The following CNTNAP2 variants were observed in gnomAD, a reference collection of about 807,000 sequenced individuals.
CNTNAP2 encodes contactin-associated protein-like 2.
CNTNAP2 carries 98 observed loss-of-function variants against 155.2 expected under a neutral mutation model. The ratio of observed to expected loss-of-function variants is 0.63; its 90% CI spans 0.54 to 0.75. The LOEUF (loss-of-function observed/expected upper bound fraction) is 0.75, where lower values mean the gene tolerates loss of function less well. Among genes scored for constraint, CNTNAP2 ranks in the 30% least tolerant of loss-of-function variants. The pLI is 0.00. For synonymous variants in CNTNAP2, 651 were observed against 631.2 expected, an observed-to-expected ratio of 1.03 and a Z score of -0.47; for missense variants, 1,727 against 1,688.1, an observed-to-expected ratio of 1.02 and a Z score of -0.40.
chr7:147,428,519 T>A (rs940711400), intron 10 of CNTNAP2, among the ~76,000 whole-genome samples: 3 of 152,184 alleles, frequency 2.0e-5, no homozygotes, highest in Non-Finnish European at 2.9e-5. Context: ...TACCCTAGAA[T>A]GGAGGATTCA....
At chr7:146,163,004 T>C (rs965328136) in intron 1 of CNTNAP2, among the ~76,000 whole-genome samples, 2 of 151,998 alleles carry the variant, frequency 1.3e-5, no homozygotes, top group Non-Finnish European at 2.9e-5. Context: ...CTGGGGTCTG[T>C]TGGGGGTTTG....
intron 13 of CNTNAP2, among the ~76,000 whole-genome samples, chr7:147,803,051 G>A (rs1798033479): frequency 6.6e-6 from 1 of 152,140 alleles, no homozygotes; most frequent in Non-Finnish European, 1.5e-5. Context: ...ATTTACGATT[G>A]TGAAAATTAG....
At chr7:148,322,210 A>G (rs1368935421) in intron 21 of CNTNAP2, among the ~76,000 whole-genome samples, 1 of 152,218 alleles carries the variant, frequency 6.6e-6, no homozygotes, top group African/African-American at 2.4e-5. Flanking sequence ...GGCGTGAGCC[A>G]CCGCACCCAG....
chr7:148,408,197 A>G (rs1799747950), intron 22 of CNTNAP2, among the ~76,000 whole-genome samples: 1 of 152,160 alleles, frequency 6.6e-6, no homozygotes, highest in African/African-American at 2.4e-5. Context: ...GCAAGCCAAG[A>G]TCACACCACT....
chr7:147,223,275 A>G lies in CNTNAP2; in HGVS notation c.1349-76866A>G, dbSNP rs188169472. 1.2e-4 allele frequency among the ~76,000 whole-genome samples: 18 copies of G among 152,314 alleles called. No homozygotes were observed. In the East Asian group the frequency reaches 3.5e-3, roughly 30 times the overall value. ...GGGAGGACTCTAAACATTTCCACCC[A>G]CTGCACTTTGGGTGCACAAATCTAT... On this transcript the variant is annotated intron_variant, in intron 8 of 23. Coordinates refer to ENST00000361727, the MANE Select transcript of CNTNAP2 (RefSeq NM_014141.6).
intron 8 of CNTNAP2, among the ~76,000 whole-genome samples, chr7:147,164,767 CCA>C (rs1802086515): frequency 6.6e-6 from 1 of 152,144 alleles, no homozygotes; most frequent in Non-Finnish European, 1.5e-5. Flanking sequence ...TGAGGGGCGA[CCA>C]CATCAACTGG....
At chr7:146,206,393 A>G (rs529608558) in intron 1 of CNTNAP2, among the ~76,000 whole-genome samples, 1 of 152,024 alleles carries the variant, frequency 6.6e-6, no homozygotes, top group African/African-American at 2.4e-5. Context: ...TCTTTCATTC[A>G]TGAGTCATAG....
chr7:147,414,580 AAGTC>A (rs1408468627), intron 10 of CNTNAP2, among the ~76,000 whole-genome samples: 3 of 152,142 alleles, frequency 2.0e-5, no homozygotes, highest in Admixed American at 6.5e-5. Flanking sequence ...AAGGAACTGT[AAGTC>A]AGAGTTCTTA....
intron 13 of CNTNAP2, among the ~76,000 whole-genome samples, chr7:147,822,408 T>A (rs2058507): frequency 0.062 from 9,479 of 152,234 alleles, 515 homozygotes; most frequent in East Asian, 0.17. Flanking sequence ...CTCACTTTTT[T>A]AGTGACAAAA....
chr7:147,807,788 A>G (rs1462016478), intron 13 of CNTNAP2, among the ~76,000 whole-genome samples: 1 of 152,140 alleles, frequency 6.6e-6, no homozygotes, highest in Non-Finnish European at 1.5e-5. Flanking sequence ...AATATGCCCT[A>G]GTTGGTGATG....
intron 9 of CNTNAP2, among the ~76,000 whole-genome samples, chr7:147,321,334 T>A (rs1056025954): frequency 1.3e-5 from 2 of 152,200 alleles, no homozygotes; most frequent in Non-Finnish European, 2.9e-5. Context: ...ATGAAAGACA[T>A]CCTGGGGCCA....
Position 147,894,965 on chromosome 7 carries a change from C to CTTT in CNTNAP2, c.2099-8579_2099-8577dup, listed in dbSNP as rs1175962918. Among the ~76,000 whole-genome samples the CTTT allele has an allele frequency of 3.8e-3, 138 of 36,146 alleles. 3 individuals are homozygous for CTTT. Among genetic ancestry groups the CTTT allele is most frequent in the African/African-American group, 0.015 (104 of 6,866 alleles). The allele number at this position is 36,146 out of a possible 152,430, so 23.7% of individuals were successfully genotyped here. ...TCTTTCTTTCTTTCTTTCTTTCTTT[C>CTTT]TTTTTTTTTTTTTTTTTTTTTTTGA... On this transcript the variant is annotated intron_variant, in intron 13 of 23. Coordinates refer to ENST00000361727, the MANE Select transcript of CNTNAP2 (RefSeq NM_014141.6).
intron 14 of CNTNAP2, among the ~76,000 whole-genome samples, chr7:147,908,260 A>C (rs1800002249): frequency 6.6e-6 from 1 of 152,198 alleles, no homozygotes; most frequent in Non-Finnish European, 1.5e-5. Context: ...TCATCATCAG[A>C]AGAGCAAGTA....
Position 148,185,745 on chromosome 7 carries a change from G to C in CNTNAP2, c.3010+13267G>C, listed in dbSNP as rs185311019. On this transcript the variant is annotated intron_variant, in intron 18 of 23. Coordinates refer to ENST00000361727, the MANE Select transcript of CNTNAP2 (RefSeq NM_014141.6). Reference sequence around the variant, plus strand: ...TTAAATAGGTCTATTTTAGCCTGTTGACTTTTATATTTCCTTAACAAATGT... The same window carrying C: ...TTAAATAGGTCTATTTTAGCCTGTTCACTTTTATATTTCCTTAACAAATGT... Among the ~76,000 whole-genome samples the C allele has an allele frequency of 4.6e-5, 7 of 152,248 alleles. No homozygotes were observed. The East Asian group carries it at 1.2e-3, about 25-fold the overall frequency.
chr7:146,897,463 T>G (rs903973503), intron 3 of CNTNAP2, among the ~76,000 whole-genome samples: 9 of 152,102 alleles, frequency 5.9e-5, no homozygotes, highest in African/African-American at 1.2e-4. Context: ...AACAAAGCTC[T>G]TTATGGTTCG....
At chr7:147,929,092 CAAA>C (rs66584239) in intron 14 of CNTNAP2, among the ~76,000 whole-genome samples, 4 of 34,622 alleles carry the variant, frequency 1.2e-4, no homozygotes, top group African/African-American at 1.6e-4. Context: ...AACTCCATCC[CAAA>C]AAAAAAAAAA....
chr7:148,119,319 C>T (rs377426738), intron 16 of CNTNAP2, among the ~76,000 whole-genome samples: 5 of 151,250 alleles, frequency 3.3e-5, no homozygotes, highest in East Asian at 2.0e-4. Flanking sequence ...GTCAGGAGTT[C>T]GAGACCATCC....
intron 18 of CNTNAP2, among the ~76,000 whole-genome samples, chr7:148,214,817 C>T (rs1162262457): frequency 6.6e-6 from 1 of 152,162 alleles, no homozygotes; most frequent in African/African-American, 2.4e-5. Context: ...GATCCGCCAG[C>T]CTCGACCTAC....
intron 13 of CNTNAP2, among the ~76,000 whole-genome samples, chr7:147,681,509 G>C (rs1395655878): frequency 6.6e-6 from 1 of 151,832 alleles, no homozygotes; most frequent in African/African-American, 2.4e-5. Flanking sequence ...AGTGGGTCTT[G>C]TTTTAGAACT....
Sources: gnomAD v4.1 joint callset for allele counts (sites outside exome capture counted in the v4.1 genomes callset) on GRCh38, gnomAD v4.1.1 for gene constraint, MANE v1.5 for transcripts, NCBI Gene and HGNC (gene_info 2026-07-23, HGNC 2026-07-21) for gene names.